Variants in UNC13C observed in about 807,000 individuals in gnomAD.
The protein encoded by UNC13C is unc-13 homolog C, also known as protein unc-13 homolog C.
Under a neutral mutation model 245.4 loss-of-function variants are expected in UNC13C, and 174 were observed. That is an observed-to-expected ratio of 0.71 (90% CI 0.63 to 0.80). UNC13C has a LOEUF of 0.80. Among genes scored for constraint, UNC13C ranks in the 30% least tolerant of loss-of-function variants. The pLI is 0.00. For synonymous variants in UNC13C, 992 were observed against 895.1 expected (o/e 1.11, Z -1.93); for missense variants, 2,829 against 2,602.9 (o/e 1.09, Z -1.89).
intron 16 of UNC13C, among the ~76,000 whole-genome samples, chr15:54,338,088 TG>T (rs1265523353): frequency 1.3e-5 from 2 of 152,204 alleles, no homozygotes; most frequent in African/African-American, 4.8e-5. Context: ...GAATATTTGT[TG>T]AATGATGGAA....
chr15:53,927,165 G>T, the UNC13C span, among the ~76,000 whole-genome samples: 2 of 152,162 alleles, frequency 1.3e-5, no homozygotes, highest in African/African-American at 4.8e-5. Flanking sequence ...ATACAAAACA[G>T]AAAAGTTAAG....
intron 4 of UNC13C, among the ~76,000 whole-genome samples, chr15:54,184,029 G>T (rs1293243507): frequency 6.6e-6 from 1 of 151,958 alleles, no homozygotes; most frequent in Non-Finnish European, 1.5e-5. Flanking sequence ...TACTTGAAAT[G>T]GATGATTTAA....
At chr15:54,224,179 C>G (rs919832446) in intron 4 of UNC13C, among the ~76,000 whole-genome samples, 1 of 151,944 alleles carries the variant, frequency 6.6e-6, no homozygotes, top group Non-Finnish European at 1.5e-5. Context: ...GTTGAATAAC[C>G]GTGGTGACAG....
At chr15:54,307,634 A>G (rs2037761213) in intron 13 of UNC13C, among the ~76,000 whole-genome samples, 1 of 151,930 alleles carries the variant, frequency 6.6e-6, no homozygotes, top group African/African-American at 2.4e-5. Context: ...AGCAAATCCA[A>G]GCACAGATGA....
At chr15:54,000,537 G>GT (rs1286851841) in intron 1 of UNC13C, among the ~76,000 whole-genome samples, 14 of 152,094 alleles carry the variant, frequency 9.2e-5, no homozygotes, top group African/African-American at 3.1e-4. Flanking sequence ...CTATCAAGTG[G>GT]TTTTAACATT....
At chr15:54,047,193 T>C (rs1897075403) in intron 2 of UNC13C, among the ~76,000 whole-genome samples, 2 of 152,046 alleles carry the variant, frequency 1.3e-5, no homozygotes, top group African/African-American at 4.8e-5. Flanking sequence ...CCATCTCAAG[T>C]CAGGAAAGGA....
At chr15:54,187,650 G>T (rs1436202213) in intron 4 of UNC13C, among the ~76,000 whole-genome samples, 1 of 151,888 alleles carries the variant, frequency 6.6e-6, no homozygotes, top group South Asian at 2.1e-4. Context: ...TCCTGACCTC[G>T]GTGACAACAT....
At chr15:54,069,312 T>C (rs1211417351) in intron 2 of UNC13C, among the ~76,000 whole-genome samples, 2 of 152,218 alleles carry the variant, frequency 1.3e-5, no homozygotes, top group Admixed American at 1.3e-4. Context: ...GATACCAGTC[T>C]ATGACATTTT....
the UNC13C span, among the ~76,000 whole-genome samples, chr15:53,882,580 C>A: frequency 6.6e-6 from 1 of 152,158 alleles, no homozygotes. Flanking sequence ...TATTCTACTG[C>A]CATTTGGTAC....
At chr15:54,080,976 G>T (rs1898909815) in intron 2 of UNC13C, among the ~76,000 whole-genome samples, 1 of 151,802 alleles carries the variant, frequency 6.6e-6, no homozygotes, top group Non-Finnish European at 1.5e-5. Context: ...ACACTGTTTT[G>T]TTGTATCTCC....
intron 30 of UNC13C, among the ~76,000 whole-genome samples, chr15:54,569,331 A>G (rs1202079823): frequency 2.6e-5 from 4 of 152,188 alleles, no homozygotes; most frequent in African/African-American, 9.7e-5. Flanking sequence ...ATAAAAATGT[A>G]TAGGAGTTGC....
the UNC13C span, among the ~76,000 whole-genome samples, chr15:53,847,854 G>T: frequency 5.9e-5 from 9 of 152,234 alleles, no homozygotes; most frequent in East Asian, 1.7e-3. Flanking sequence ...CTCTCTCATT[G>T]ATTGTGTGTT....
rs1295355596 is a variant in UNC13C, at chr15:54,567,930, A to T, written c.6089A>T (p.Asp2030Val). 30 of 1,576,112 alleles carry T rather than the reference A, an allele frequency of 1.9e-5. No individual in the cohort carries two copies. The highest frequency in any genetic ancestry group is 2.6e-5 in the Non-Finnish European group (30 of 1,159,142). ...GATGCCTTGATAAAGAAATTCATAG[A>T]TACTCAAACCTCACAGAGTAAGTAA... is the stretch of plus-strand genomic sequence containing the variant. ...TTDALIKKFI[D>V]TQTSQSRSSK... is the part of the protein sequence containing the mutation. The change falls in exon 30 of 33, where the codon GAT becomes GTT. Residue 2030 changes from aspartate (D) to valine (V), a missense_variant. By Grantham distance (152) the Asp-to-Val change is radical. Transcript: ENST00000260323.
chr15:54,479,575 A>G (rs1387041904), intron 19 of UNC13C, among the ~76,000 whole-genome samples: 3 of 152,086 alleles, frequency 2.0e-5, no homozygotes, highest in African/African-American at 7.2e-5. Flanking sequence ...ATTCCAGGTT[A>G]TCATTGTTAG....
chr15:54,390,478 C>G (rs750288490), intron 17 of UNC13C, among the ~76,000 whole-genome samples: 1 of 152,010 alleles, frequency 6.6e-6, no homozygotes, highest in Non-Finnish European at 1.5e-5. Context: ...TCTGTAAAGT[C>G]TGTTTCTTCA....
chr15:54,352,452 G>C (rs955517943), intron 17 of UNC13C, among the ~76,000 whole-genome samples: 2 of 150,946 alleles, frequency 1.3e-5, no homozygotes, highest in African/African-American at 4.9e-5. Context: ...GAATAAAATG[G>C]TGTTGCATTA....
chr15:53,971,235 T>A, the UNC13C span, among the ~76,000 whole-genome samples: 1 of 152,192 alleles, frequency 6.6e-6, no homozygotes, highest in African/African-American at 2.4e-5. Context: ...TTGAGAAAAC[T>A]GGATATGCTC....
intron 17 of UNC13C, among the ~76,000 whole-genome samples, chr15:54,357,299 A>G (rs549251473): frequency 1.3e-5 from 2 of 152,192 alleles, no homozygotes; most frequent in African/African-American, 4.8e-5. Context: ...ATTATGAAGT[A>G]TAGAGCAGAA....
the UNC13C span, among the ~76,000 whole-genome samples, chr15:53,842,589 T>G: frequency 6.6e-6 from 1 of 152,112 alleles, no homozygotes; most frequent in African/African-American, 2.4e-5. Flanking sequence ...GAAAGTTACA[T>G]TGTCTTTCAG....
Sources: gnomAD v4.1 joint callset for allele counts (sites outside exome capture counted in the v4.1 genomes callset) on GRCh38, gnomAD v4.1.1 for gene constraint, MANE v1.5 for transcripts, NCBI Gene and HGNC (gene_info 2026-07-23, HGNC 2026-07-21) for gene names.